SORCS1: variants seen among roughly 807,000 people sequenced by gnomAD.
SORCS1 encodes the protein sortilin related VPS10 domain containing receptor 1, also known as VPS10 domain-containing receptor SorCS1.
A neutral mutation model predicts 146.1 loss-of-function variants in SORCS1; 60 were observed. The observed-to-expected ratio is 0.41, with a 90% CI of 0.33 to 0.51. The LOEUF is 0.51. Among genes scored for constraint, SORCS1 ranks in the 20% least tolerant of loss-of-function variants. The pLI is 0.21. For missense variants in SORCS1, 1,352 were observed against 1,487.6 expected (o/e 0.91, Z 1.50); for synonymous variants, 637 against 584.0 (o/e 1.09, Z -1.31).
chr10:106,994,316 T>C (rs1198976499), intron 1 of SORCS1, among the ~76,000 whole-genome samples: 1 of 152,154 alleles, frequency 6.6e-6, no homozygotes, highest in Non-Finnish European at 1.5e-5. Flanking sequence ...ATGCTGAATG[T>C]CTTAAAAATT....
intron 5 of SORCS1, among the ~76,000 whole-genome samples, chr10:106,755,401 C>T (rs1167334391): frequency 1.3e-5 from 2 of 152,194 alleles, no homozygotes; most frequent in Non-Finnish European, 2.9e-5. Flanking sequence ...ATAATAACCG[C>T]TACCATATAA....
chr10:106,669,721 C>T (rs376802508), intron 16 of SORCS1, among the ~76,000 whole-genome samples: 12 of 152,334 alleles, frequency 7.9e-5, no homozygotes, highest in Admixed American at 2.0e-4. Context: ...GATTTGAGCT[C>T]CAATGTAACT....
chr10:107,049,125 A>T (rs529930280), intron 1 of SORCS1, among the ~76,000 whole-genome samples: 2 of 151,500 alleles, frequency 1.3e-5, no homozygotes, highest in South Asian at 4.2e-4. Context: ...AGGGACATGG[A>T]TGAAATTGGA....
At chr10:106,673,512 T>C (rs1390417978) in intron 14 of SORCS1, among the ~76,000 whole-genome samples, 1 of 152,118 alleles carries the variant, frequency 6.6e-6, no homozygotes, top group African/African-American at 2.4e-5. Context: ...AAAAACAAAA[T>C]CAAGTCATAA....
chr10:106,631,925 G>A (rs1422408458), intron 18 of SORCS1, among the ~76,000 whole-genome samples: 1 of 152,062 alleles, frequency 6.6e-6, no homozygotes, highest in Admixed American at 6.6e-5. Context: ...TTTGTTTCAT[G>A]ATAGGATTCT....
chr10:106,610,142 CAG>C (rs1846878911), intron 22 of SORCS1, among the ~76,000 whole-genome samples: 1 of 152,030 alleles, frequency 6.6e-6, no homozygotes, highest in Admixed American at 6.6e-5. Context: ...GCCATAGAGA[CAG>C]AGGTGGGTGG....
chr10:106,853,751 T>A (rs898964219), intron 2 of SORCS1, among the ~76,000 whole-genome samples: 5 of 152,126 alleles, frequency 3.3e-5, no homozygotes, highest in Non-Finnish European at 7.4e-5. Flanking sequence ...TCTCTGCTTA[T>A]TTTGAAAATT....
At chr10:106,841,975 A>G (rs1949064788) in intron 2 of SORCS1, among the ~76,000 whole-genome samples, 1 of 152,180 alleles carries the variant, frequency 6.6e-6, no homozygotes, top group African/African-American at 2.4e-5. Flanking sequence ...TATATTGAGT[A>G]TATTTGTTTT....
At chr10:107,139,603 T>C (rs987016032) in intron 1 of SORCS1, among the ~76,000 whole-genome samples, 4 of 152,136 alleles carry the variant, frequency 2.6e-5, no homozygotes, top group African/African-American at 9.7e-5. Context: ...CTGACACATA[T>C]ACACAATCAG....
intron 1 of SORCS1, among the ~76,000 whole-genome samples, chr10:107,000,332 G>T (rs1034965405): frequency 3.3e-5 from 5 of 151,978 alleles, no homozygotes; most frequent in African/African-American, 1.2e-4. Flanking sequence ...GGGCACAATG[G>T]CTCATGCCTG....
chr10:107,079,580 C>T (rs1243171637), intron 1 of SORCS1, among the ~76,000 whole-genome samples: 2 of 152,192 alleles, frequency 1.3e-5, no homozygotes, highest in Non-Finnish European at 2.9e-5. Context: ...AGAGCCAGAA[C>T]ACAGAAAGGC....
chr10:106,919,230 T>A (rs1952588402), intron 2 of SORCS1, among the ~76,000 whole-genome samples: 1 of 152,194 alleles, frequency 6.6e-6, no homozygotes, highest in Non-Finnish European at 1.5e-5. Flanking sequence ...CCCTTTTCAC[T>A]GAAGAAAGGT....
intron 1 of SORCS1, among the ~76,000 whole-genome samples, chr10:107,009,245 C>A (rs972298864): frequency 3.9e-5 from 6 of 152,132 alleles, no homozygotes; most frequent in African/African-American, 1.4e-4. Context: ...TGTTGTGACC[C>A]TTATAAAAGC....
At chr10:106,765,181 T>C (rs1287223762) in intron 4 of SORCS1, among the ~76,000 whole-genome samples, 1 of 152,218 alleles carries the variant, frequency 6.6e-6, no homozygotes, top group Non-Finnish European at 1.5e-5. Context: ...AAATCCTTTC[T>C]GTGTAAAATC....
intron 1 of SORCS1, among the ~76,000 whole-genome samples, chr10:107,140,488 G>T (rs375423236): frequency 5.3e-5 from 8 of 152,292 alleles, no homozygotes; most frequent in African/African-American, 1.9e-4. Flanking sequence ...ATTGGCCCAT[G>T]TTGTCACAGA....
intron 10 of SORCS1, among the ~76,000 whole-genome samples, chr10:106,686,399 A>G (rs1180223166): frequency 6.6e-6 from 1 of 152,184 alleles, no homozygotes; most frequent in African/African-American, 2.4e-5. Context: ...AGGCAAGCCC[A>G]TTTAGGTGAC....
intron 3 of SORCS1, among the ~76,000 whole-genome samples, chr10:106,822,013 G>T (rs1015000281): frequency 6.6e-6 from 1 of 152,068 alleles, no homozygotes; most frequent in African/African-American, 2.4e-5. Flanking sequence ...AGATATGGGG[G>T]ACAAGAAAAG....
At chr10:107,044,512 TAAAAAAA>T (rs59253149) in intron 1 of SORCS1, among the ~76,000 whole-genome samples, 8 of 74,060 alleles carry the variant, frequency 1.1e-4, no homozygotes, top group East Asian at 3.9e-4. Context: ...TTCTAATTTG[TAAAAAAA>T]AAAAAAAAAA....
At chr10:106,848,061 G>A (rs1949381559) in intron 2 of SORCS1, among the ~76,000 whole-genome samples, 1 of 113,250 alleles carries the variant, frequency 8.8e-6, no homozygotes, top group Admixed American at 9.4e-5. Context: ...TGTATATTCT[G>A]TTGATTTGGG....
Sources: gnomAD v4.1 joint callset for allele counts (sites outside exome capture counted in the v4.1 genomes callset) on GRCh38, gnomAD v4.1.1 for gene constraint, MANE v1.5 for transcripts, NCBI Gene and HGNC (gene_info 2026-07-23, HGNC 2026-07-21) for gene names.